The following IRAG1 variants were observed in gnomAD, a reference collection of about 807,000 sequenced individuals.
IRAG1 encodes the protein IP3R-associated cGMP kinase substrate.
A neutral mutation model predicts 106.2 loss-of-function variants in IRAG1; 62 were observed. The observed-to-expected ratio is 0.58, with a 90% CI of 0.48 to 0.72. The LOEUF is 0.72. IRAG1 is among the 30% of genes least tolerant of loss of function. IRAG1 has a pLI of 0.00. For synonymous variants in IRAG1, 462 were observed against 443.9 expected (o/e 1.04, Z -0.51); for missense variants, 1,064 against 1,140.7 (o/e 0.93, Z 0.97).
Position 10,632,136 on chromosome 11 carries a change from T to C in IRAG1, c.330-75A>G, listed in dbSNP as rs955850331. 3.5e-6 allele frequency: 3 copies of C among 869,476 alleles called. No individual in the cohort carries two copies. The South Asian group carries it at 4.5e-5, about 13-fold the overall frequency. The allele number at this position is 869,476 out of a possible 1,614,324, so 53.9% of individuals were successfully genotyped here. A position where few individuals can be genotyped will look rare whatever the true frequency, so the allele number is the denominator to read the frequency against. On this transcript the variant is annotated intron_variant, in intron 3 of 20. Transcript: ENST00000423302. ...AAATAGGTGAAAAGATGCCTGTATA[T>C]TCTTTTTCTTTTTCTTTCTTTCTTT...
chr11:10,631,178 A>C (rs1856664388), intron 4 of IRAG1, among the ~76,000 whole-genome samples: 1 of 152,212 alleles, frequency 6.6e-6, no homozygotes, highest in Non-Finnish European at 1.5e-5. Flanking sequence ...CTGAAATCAC[A>C]AGCCCTGGCT....
At chr11:10,578,472 C>T (rs910273982) in intron 20 of IRAG1, among the ~76,000 whole-genome samples, 6 of 152,190 alleles carry the variant, frequency 3.9e-5, no homozygotes, top group Admixed American at 1.3e-4. Context: ...ATAACAGATA[C>T]GTGACTCAGA....
intron 11 of IRAG1, among the ~76,000 whole-genome samples, chr11:10,609,183 C>T (rs896553349): frequency 5.9e-5 from 9 of 152,168 alleles, no homozygotes; most frequent in African/African-American, 2.2e-4. Context: ...TTTCCTTGAC[C>T]TCCTACCCAA....
At chr11:10,607,562 G>T (rs1232913568) in intron 11 of IRAG1, among the ~76,000 whole-genome samples, 3 of 152,206 alleles carry the variant, frequency 2.0e-5, no homozygotes, top group Admixed American at 6.5e-5. Context: ...GGCCCCATCT[G>T]AAGTCCACAC....
intron 2 of IRAG1, among the ~76,000 whole-genome samples, chr11:10,637,676 T>C (rs1323492120): frequency 6.6e-6 from 1 of 152,142 alleles, no homozygotes; most frequent in Non-Finnish European, 1.5e-5. Flanking sequence ...AGCCAGTTTT[T>C]CCCATCTTTT....
intron 1 of IRAG1, 140 bp downstream of exon 1, chr11:10,693,396 G>A: frequency 1.4e-6 from 2 of 1,420,010 alleles, no homozygotes; most frequent in Non-Finnish European, 1.8e-6. Flanking sequence ...CAGCTGAAAT[G>A]CCACCCAACA....
At chr11:10,599,656 C>T (rs1853744097) in intron 15 of IRAG1, 1 of 152,218 alleles carries the variant, frequency 6.6e-6, no homozygotes, top group Admixed American at 6.5e-5. Context: ...TTCCCTTCTG[C>T]AGCTCTTGGT....
Position 10,622,926 on chromosome 11 carries a change from C to G in IRAG1, c.1447+852G>C, listed in dbSNP as rs1258014983. The stretch of plus-strand genomic sequence containing the variant: ...ACTCCTGCCCTTGGGGGCTTCTTCT[C>G]TAGGGATAATAGCTGACACCTAGAT... On this transcript the variant is annotated intron_variant, in intron 10 of 20. Transcript: ENST00000423302. 4.0e-5 allele frequency among the ~76,000 whole-genome samples: 6 copies of G among 148,948 alleles called. No individual in the cohort carries two copies. The East Asian group carries it at 1.2e-3, about 29-fold the overall frequency.
At chr11:10,651,990 G>C (rs1010603361) in intron 2 of IRAG1, 35 bp downstream of exon 2, 1 of 1,526,874 alleles carries the variant, frequency 6.5e-7, no homozygotes, top group South Asian at 1.2e-5. Flanking sequence ...TTGGCCCCCA[G>C]CCAGGCTAGC....
At chr11:10,631,646 C>T (rs965113617) in intron 4 of IRAG1, among the ~76,000 whole-genome samples, 2 of 152,190 alleles carry the variant, frequency 1.3e-5, no homozygotes, top group African/African-American at 4.8e-5. Context: ...CCAGGGCAGC[C>T]GGCCTTACAC....
chr11:10,641,491 C>T (rs1188157481), intron 2 of IRAG1, among the ~76,000 whole-genome samples: 2 of 152,220 alleles, frequency 1.3e-5, no homozygotes, highest in Non-Finnish European at 2.9e-5. Flanking sequence ...GCTCCACTCC[C>T]TCTCACCCTC....
At chr11:10,636,625 AC>A (rs1189641474) in intron 2 of IRAG1, among the ~76,000 whole-genome samples, 2 of 152,216 alleles carry the variant, frequency 1.3e-5, no homozygotes, top group East Asian at 3.8e-4. Context: ...TGAAGAGAAG[AC>A]CCTAAAGGGC....
At chr11:10,590,577 G>C (rs561358494) in intron 18 of IRAG1, among the ~76,000 whole-genome samples, 7 of 145,878 alleles carry the variant, frequency 4.8e-5, no homozygotes, top group Admixed American at 2.0e-4. Flanking sequence ...GGAAGAATAA[G>C]GTATATGTTT....
At chr11:10,653,682 A>T (rs1858704872) in intron 1 of IRAG1, among the ~76,000 whole-genome samples, 1 of 152,142 alleles carries the variant, frequency 6.6e-6, no homozygotes, top group Non-Finnish European at 1.5e-5. Flanking sequence ...CAAAACAGAT[A>T]AGAATGCCTC....
intron 15 of IRAG1, among the ~76,000 whole-genome samples, chr11:10,598,412 TAGCAG>T (rs1853569380): frequency 6.6e-6 from 1 of 152,224 alleles, no homozygotes; most frequent in Non-Finnish European, 1.5e-5. Flanking sequence ...TCAGCCAAAA[TAGCAG>T]AACCAGAAAA....
chr11:10,629,950 G>A (rs1269457316), intron 4 of IRAG1: 1 of 458,228 alleles, frequency 2.2e-6, no homozygotes, highest in Non-Finnish European at 3.8e-6. Context: ...GCCATCTCAG[G>A]TTCCCAGAAT....
At chr11:10,599,174 T>C (rs1353554535) in intron 15 of IRAG1, among the ~76,000 whole-genome samples, 1 of 152,250 alleles carries the variant, frequency 6.6e-6, no homozygotes, top group African/African-American at 2.4e-5. Context: ...CTCGGAAGTC[T>C]GCTTTCTTCT....
chr11:10,688,885 G>A (rs974700659), intron 1 of IRAG1, among the ~76,000 whole-genome samples: 8 of 152,166 alleles, frequency 5.3e-5, no homozygotes, highest in African/African-American at 1.9e-4. Context: ...CTAACTTTGT[G>A]TTGTTAGGCA....
At chr11:10,603,462 T>A (rs1854204853) in intron 13 of IRAG1, among the ~76,000 whole-genome samples, 1 of 152,068 alleles carries the variant, frequency 6.6e-6, no homozygotes, top group African/African-American at 2.4e-5. Context: ...CATGCACAGT[T>A]TACAATAGGG....
Sources: allele counts gnomAD v4.1 joint callset (sites outside exome capture counted in the v4.1 genomes callset), GRCh38; gene constraint gnomAD v4.1.1; transcripts MANE v1.5; gene names NCBI Gene and HGNC (gene_info 2026-07-23, HGNC 2026-07-21).